Variants in MILR1 observed in about 807,000 individuals in gnomAD.
MILR1 encodes the protein mast cell immunoglobulin like receptor 1.
Under a neutral mutation model 18.5 loss-of-function variants are expected in MILR1, and 31 were observed. That is an observed-to-expected ratio of 1.68 (90% confidence interval 1.26 to 2.26). The LOEUF (loss-of-function observed/expected upper bound fraction) is 2.26, where lower values mean the gene tolerates loss of function less well. Among genes scored for constraint, MILR1 ranks in the 30% most tolerant of loss-of-function variants. The pLI is 0.00. For synonymous variants in MILR1, 85 were observed against 56.2 expected, an observed-to-expected ratio of 1.51 and a Z score of -2.30; for missense variants, 257 against 157.4, an observed-to-expected ratio of 1.63 and a Z score of -3.38.
downstream of MILR1, among the ~76,000 whole-genome samples, chr17:64,469,239 A>G (rs1000205152): frequency 6.6e-6 from 1 of 152,192 alleles, no homozygotes; most frequent in Non-Finnish European, 1.5e-5. Context: ...TAACAAGTAC[A>G]ACTACCCTAT....
At chr17:64,453,964 C>CT (rs1291160654) in intron 3 of MILR1, among the ~76,000 whole-genome samples, 1 of 152,078 alleles carries the variant, frequency 6.6e-6, no homozygotes, top group Non-Finnish European at 1.5e-5. Flanking sequence ...GAGTCTCGCC[C>CT]TGTCACCCAG....
chr17:64,486,061 A>G, the MILR1 span, among the ~76,000 whole-genome samples: 1 of 152,014 alleles, frequency 6.6e-6, no homozygotes. Flanking sequence ...TTTTAGACTT[A>G]CACAATCAGA....
chr17:64,493,212 G>A, the MILR1 span, among the ~76,000 whole-genome samples: 1 of 152,126 alleles, frequency 6.6e-6, no homozygotes, highest in Admixed American at 6.5e-5. Context: ...GAGCTCAGGA[G>A]TTCTGAGACC....
At chr17:64,491,912 T>C in the MILR1 span, 1 of 154,288 alleles carries the variant, frequency 6.5e-6, no homozygotes, top group South Asian at 1.7e-4. Context: ...AAATAAAAGA[T>C]GACTGGTACT....
At chr17:64,482,946 T>C in the MILR1 span, 2 of 1,604,630 alleles carry the variant, frequency 1.2e-6, no homozygotes, top group South Asian at 1.1e-5. Flanking sequence ...TGGGGCCTCT[T>C]CCTACATCCA....
chr17:64,482,789 A>C, the MILR1 span: 1 of 661,320 alleles, frequency 1.5e-6, no homozygotes, highest in South Asian at 1.7e-5. Flanking sequence ...AACATTTAAG[A>C]TTTTGGATTT....
intron 4 of MILR1, among the ~76,000 whole-genome samples, chr17:64,458,572 A>G (rs2037354468): frequency 6.6e-6 from 1 of 151,550 alleles, no homozygotes; most frequent in Non-Finnish European, 1.5e-5. Context: ...CTCCACTGCT[A>G]ATGATGATGG....
chr17:64,486,497 G>C, the MILR1 span, among the ~76,000 whole-genome samples: 1 of 151,978 alleles, frequency 6.6e-6, no homozygotes, highest in African/African-American at 2.4e-5. Flanking sequence ...GAGTAGCTAG[G>C]ACTACAGGCA....
the MILR1 span, among the ~76,000 whole-genome samples, chr17:64,479,747 G>T: frequency 6.6e-6 from 1 of 152,206 alleles, no homozygotes; most frequent in Non-Finnish European, 1.5e-5. Flanking sequence ...AGATGGATGA[G>T]ATACATTTAG....
At chr17:64,472,336 C>T (rs1203445784), downstream of MILR1, among the ~76,000 whole-genome samples, 2 of 151,426 alleles carry the variant, frequency 1.3e-5, no homozygotes, top group South Asian at 4.2e-4. Flanking sequence ...TGTGGTGGCA[C>T]ATACCTGTAG....
the MILR1 span, chr17:64,481,387 A>T: frequency 1.0e-6 from 1 of 985,268 alleles, no homozygotes; most frequent in South Asian, 4.7e-5. Flanking sequence ...TAGTGTCCGC[A>T]TTCAGGTCTG....
chr17:64,467,522 G>C (rs2037600956), intron 8 of MILR1, 43 bp from the exon 9 acceptor site: 1 of 1,238,120 alleles, frequency 8.1e-7, no homozygotes, highest in East Asian at 2.5e-5. Flanking sequence ...CAGCCTTGCT[G>C]GTCACATATC....
chr17:64,469,883 C>T (rs1243643736), downstream of MILR1, among the ~76,000 whole-genome samples: 3 of 152,114 alleles, frequency 2.0e-5, no homozygotes, highest in Non-Finnish European at 4.4e-5. Context: ...TGAGACCCGA[C>T]CCTGGTTATT....
chr17:64,490,215 G>A, the MILR1 span, among the ~76,000 whole-genome samples: 3 of 152,122 alleles, frequency 2.0e-5, no homozygotes, highest in Non-Finnish European at 2.9e-5. Context: ...GAGCCACTGC[G>A]CCTGGCCGTT....
chr17:64,493,933 T>C, the MILR1 span, among the ~76,000 whole-genome samples: 1 of 152,182 alleles, frequency 6.6e-6, no homozygotes, highest in Non-Finnish European at 1.5e-5. Flanking sequence ...GCATACATCT[T>C]CTAAAAATAA....
At chr17:64,485,130 T>C in the MILR1 span, 1 of 152,426 alleles carries the variant, frequency 6.6e-6, no homozygotes, top group East Asian at 1.9e-4. Context: ...ATTCTTCTAC[T>C]TGGGCTCTTG....
chr17:64,460,321 C>A (rs2037404461), intron 4 of MILR1, among the ~76,000 whole-genome samples: 1 of 151,812 alleles, frequency 6.6e-6, no homozygotes, highest in African/African-American at 2.4e-5. Context: ...CCACTGAGCT[C>A]AACCTATTTT....
intron 8 of MILR1, among the ~76,000 whole-genome samples, chr17:64,467,079 T>C: frequency 6.8e-6 from 1 of 146,880 alleles, no homozygotes; most frequent in East Asian, 1.9e-4. Context: ...TCTCTCTCTC[T>C]TTCTTTTTCT....
intron 2 of MILR1, among the ~76,000 whole-genome samples, chr17:64,452,082 G>GTTTT (rs34558703): frequency 4.4e-5 from 6 of 137,162 alleles, no homozygotes; most frequent in South Asian, 2.4e-4. Flanking sequence ...TCCCAGCTAT[G>GTTTT]TTTTTTTTTT....
Sources: gnomAD v4.1 joint callset for allele counts (sites outside exome capture counted in the v4.1 genomes callset) on GRCh38, gnomAD v4.1.1 for gene constraint, MANE v1.5 for transcripts, NCBI Gene and HGNC (gene_info 2026-07-23, HGNC 2026-07-21) for gene names.